The following SEMA3E variants were observed in gnomAD, a reference collection of about 807,000 sequenced individuals.
The protein encoded by SEMA3E is semaphorin 3E.
A neutral mutation model predicts 93.6 loss-of-function variants in SEMA3E; 49 were observed. The observed-to-expected ratio is 0.52, with a 90% CI of 0.42 to 0.66. The LOEUF (loss-of-function observed/expected upper bound fraction) is 0.66, where lower values mean the gene tolerates loss of function less well. Among genes scored for constraint, SEMA3E ranks in the 30% least tolerant of loss-of-function variants. The pLI is 0.00. For synonymous variants in SEMA3E, 363 were observed against 330.7 expected (o/e 1.10, Z -1.06); for missense variants, 906 against 964.8 (o/e 0.94, Z 0.81).
intron 1 of SEMA3E, among the ~76,000 whole-genome samples, chr7:83,501,640 A>G (rs758119598): frequency 2.6e-5 from 4 of 152,246 alleles, no homozygotes; most frequent in Non-Finnish European, 5.9e-5. Context: ...TTTAGCAGAA[A>G]CAGGGTATTA....
At chr7:83,379,887 T>A (rs1471257815) in intron 16 of SEMA3E, among the ~76,000 whole-genome samples, 1 of 151,866 alleles carries the variant, frequency 6.6e-6, no homozygotes, top group African/African-American at 2.4e-5. Flanking sequence ...TACCGATTGG[T>A]GCTATATTCT....
chr7:83,433,507 T>C (rs1446115585), intron 4 of SEMA3E, among the ~76,000 whole-genome samples: 1 of 152,136 alleles, frequency 6.6e-6, no homozygotes, highest in Non-Finnish European at 1.5e-5. Context: ...ACAACAACCT[T>C]AACAATGCTT....
chr7:83,392,856 T>G lies in SEMA3E; in HGVS notation c.1501-135A>C. ...ATTTAATTCACTTAAATTAGCAGTT[T>G]CAGGAGTTTGAGACCAGCCTGCACA... On this transcript the variant is annotated intron_variant, in intron 13 of 16. Coordinates refer to ENST00000643230, the MANE Select transcript of SEMA3E (RefSeq NM_012431.3). 3 of 871,280 alleles carry G rather than the reference T, an allele frequency of 3.4e-6. No homozygotes were observed. In the Admixed American group the frequency reaches 6.1e-5, roughly 18 times the overall value. The allele number at this position is 871,280 out of a possible 1,614,324, so 54.0% of individuals were successfully genotyped here.
Position 83,367,789 on chromosome 7 carries a change from A to C in SEMA3E, c.2125T>G (p.Trp709Gly). 1 of 1,614,054 alleles carries C rather than the reference A, an allele frequency of 6.2e-7. No homozygotes were observed. The highest frequency in any genetic ancestry group is 8.5e-7 in the Non-Finnish European group (1 of 1,179,984). ...ATCAGCTGCAAGAATTCCTTGTACC[A>C]TGGTTTTGCTCCCTGCGAGATGCTA... Reference protein sequence around the residue: ...QSSISQGAKPWYKEFLQLIGY... With the variant: ...QSSISQGAKPGYKEFLQLIGY... Residue 709 changes from tryptophan (W) to glycine (G), a missense_variant, in exon 17 of 17, where the codon TGG becomes GGG. Transcript: ENST00000643230.
At chr7:83,621,024 G>A (rs1793545074) in intron 1 of SEMA3E, among the ~76,000 whole-genome samples, 1 of 152,046 alleles carries the variant, frequency 6.6e-6, no homozygotes, top group South Asian at 2.1e-4. Context: ...GAAATAACAG[G>A]TTTTTAAATA....
chr7:83,606,645 GA>G (rs1793126610), intron 1 of SEMA3E, among the ~76,000 whole-genome samples: 1 of 145,954 alleles, frequency 6.9e-6, no homozygotes, highest in South Asian at 2.3e-4. Context: ...ATAGCATTGG[GA>G]GATATACCTA....
At chr7:83,514,450 A>T (rs1790887746) in intron 1 of SEMA3E, among the ~76,000 whole-genome samples, 1 of 152,126 alleles carries the variant, frequency 6.6e-6, no homozygotes, top group Non-Finnish European at 1.5e-5. Flanking sequence ...TCTGTCCTGT[A>T]ATGTCATGAG....
chr7:83,404,397 A>G (rs1788288164), intron 9 of SEMA3E, among the ~76,000 whole-genome samples: 1 of 151,912 alleles, frequency 6.6e-6, no homozygotes. Flanking sequence ...TAATTATATG[A>G]CAGTTTATGG....
At chr7:83,469,962 A>G (rs1407383697) in intron 2 of SEMA3E, among the ~76,000 whole-genome samples, 1 of 151,340 alleles carries the variant, frequency 6.6e-6, no homozygotes, top group East Asian at 2.0e-4. Context: ...ATTTTTTTGT[A>G]TTTTTAGTAG....
intron 4 of SEMA3E, among the ~76,000 whole-genome samples, chr7:83,465,629 C>T (rs951773232): frequency 6.6e-6 from 1 of 152,102 alleles, no homozygotes; most frequent in Non-Finnish European, 1.5e-5. Flanking sequence ...ATATAAGAAT[C>T]ATGAGTCTAG....
intron 1 of SEMA3E, among the ~76,000 whole-genome samples, chr7:83,624,462 C>T (rs1387940875): frequency 6.6e-6 from 1 of 152,142 alleles, no homozygotes; most frequent in Non-Finnish European, 1.5e-5. Context: ...ATTTGCATTT[C>T]TCTAATGATC....
rs540833520 is a variant in SEMA3E at position 83,583,429 on chromosome 7, T to A, written c.115+64999A>T. Among the ~76,000 whole-genome samples the A allele has an allele frequency of 9.9e-5, 15 of 152,220 alleles. No homozygotes were observed. In the South Asian group the frequency reaches 3.1e-3, roughly 32 times the overall value. Reference sequence around the variant, plus strand: ...TGTCTTTGAAGGAGGAGAAGCAGTATCAAAATTAACTGTGAATCCATCCCT... The same window carrying A: ...TGTCTTTGAAGGAGGAGAAGCAGTAACAAAATTAACTGTGAATCCATCCCT... On this transcript the variant is annotated intron_variant, in intron 1 of 16. Transcript: ENST00000643230.
chr7:83,639,165 AT>A (rs1793947606), intron 1 of SEMA3E, among the ~76,000 whole-genome samples: 10 of 143,518 alleles, frequency 7.0e-5, no homozygotes, highest in Non-Finnish European at 3.0e-5. Flanking sequence ...CCTCAGAATT[AT>A]TGATTCAGTA....
At chr7:83,581,007 T>G (rs1440233509) in intron 1 of SEMA3E, among the ~76,000 whole-genome samples, 1 of 151,958 alleles carries the variant, frequency 6.6e-6, no homozygotes, top group Non-Finnish European at 1.5e-5. Context: ...AAATTAATTT[T>G]CAGTAGTCTA....
chr7:83,427,001 C>T (rs566354712), intron 4 of SEMA3E, among the ~76,000 whole-genome samples: 1 of 152,114 alleles, frequency 6.6e-6, no homozygotes, highest in African/African-American at 2.4e-5. Flanking sequence ...TTTAACATAA[C>T]ATAGTGTGAC....
At chr7:83,563,711 T>G (rs1792082886) in intron 1 of SEMA3E, among the ~76,000 whole-genome samples, 1 of 152,172 alleles carries the variant, frequency 6.6e-6, no homozygotes, top group Admixed American at 6.5e-5. Flanking sequence ...TGAGTTATTT[T>G]TTAAATTTTT....
At chr7:83,546,909 T>C (rs148523378) in intron 1 of SEMA3E, among the ~76,000 whole-genome samples, 340 of 152,242 alleles carry the variant, frequency 2.2e-3, no homozygotes, top group Non-Finnish European at 3.7e-3. Flanking sequence ...GATACCTTAC[T>C]CAAACTTGTT....
At chr7:83,384,083 C>G (rs578228827) in intron 16 of SEMA3E, among the ~76,000 whole-genome samples, 2 of 152,010 alleles carry the variant, frequency 1.3e-5, no homozygotes, top group African/African-American at 2.4e-5. Flanking sequence ...TTTCTAATAG[C>G]CTTTGTTAGG....
Position 83,367,332 on chromosome 7 carries a change from C to A in SEMA3E, c.*254G>T. ...AAAAGCAGCCAAGTACTGAAAATAA[C>A]AGCTACAGTTGTTTTTTGATAAACA... On this transcript the variant is annotated 3_prime_UTR_variant, in exon 17 of 17. Coordinates refer to ENST00000643230, the MANE Select transcript of SEMA3E (RefSeq NM_012431.3). 2.4e-6 allele frequency: 1 copy of A among 412,482 alleles called. No homozygotes were observed. The highest frequency in any genetic ancestry group is 3.6e-5 in the South Asian group (1 of 27,690). The allele number at this position is 412,482 out of a possible 1,614,324, so 25.6% of individuals were successfully genotyped here. A position where few individuals can be genotyped will look rare whatever the true frequency, so the allele number is the denominator to read the frequency against.
Sources: allele counts gnomAD v4.1 joint callset (sites outside exome capture counted in the v4.1 genomes callset), GRCh38; gene constraint gnomAD v4.1.1; transcripts MANE v1.5; gene names NCBI Gene and HGNC (gene_info 2026-07-23, HGNC 2026-07-21).